Variants in EIF2B3 observed in about 807,000 individuals in gnomAD.
EIF2B3 encodes eukaryotic translation initiation factor 2B subunit gamma.
EIF2B3 carries 20 observed loss-of-function variants against 54.1 expected under a neutral mutation model. That is an observed-to-expected ratio of 0.37 (90% confidence interval 0.26 to 0.54). EIF2B3 has a LOEUF of 0.54. EIF2B3 is among the 20% of genes least tolerant of loss of function. The probability of loss-of-function intolerance (pLI) is 0.86; values close to 1 mark genes in which losing one functional copy is unlikely to be tolerated. For missense variants in EIF2B3, 448 were observed against 547.8 expected (o/e 0.82, Z 1.82); for synonymous variants, 153 against 188.1 (o/e 0.81, Z 1.52).
chr1:44,886,522 G>A (rs1655590434), intron 6 of EIF2B3, among the ~76,000 whole-genome samples: 1 of 152,188 alleles, frequency 6.6e-6, no homozygotes, highest in East Asian at 1.9e-4. Context: ...ACTAAATATG[G>A]CCTGAGAAGG....
chr1:44,862,984 C>CA (rs1228831896), intron 10 of EIF2B3: 4 of 152,218 alleles, frequency 2.6e-5, no homozygotes, highest in African/African-American at 9.6e-5. Context: ...TTGAGACTCA[C>CA]AGATGTTAGG....
At chr1:44,891,602 G>T (rs1170617059) in intron 6 of EIF2B3, among the ~76,000 whole-genome samples, 1 of 152,214 alleles carries the variant, frequency 6.6e-6, no homozygotes, top group African/African-American at 2.4e-5. Context: ...GGGATAGAAT[G>T]AGGGGAGTTT....
chr1:44,982,826 G>A (rs901147627), intron 1 of EIF2B3, among the ~76,000 whole-genome samples: 5 of 150,318 alleles, frequency 3.3e-5, no homozygotes, highest in South Asian at 4.2e-4. Context: ...GCAGTGGCAC[G>A]ATCTCAGCTC....
intron 3 of EIF2B3, among the ~76,000 whole-genome samples, chr1:44,946,948 A>G (rs1158505525): frequency 2.0e-5 from 3 of 152,248 alleles, no homozygotes; most frequent in Non-Finnish European, 4.4e-5. Flanking sequence ...ATGAATAAAC[A>G]TGGACTGTTT....
Position 44,966,938 on chromosome 1 carries a change from C to T in EIF2B3, c.294+11377G>A, listed in dbSNP as rs190392065. ...CCAGGTTCAGGCAATTCTCCTGCCT[C>T]CCGAGTAGCTGGGACTACGAGCACA... On this transcript the variant is annotated intron_variant, in intron 3 of 11. Transcript: ENST00000360403. Among the ~76,000 whole-genome samples the T allele has an allele frequency of 9.9e-5, 15 of 152,066 alleles. No individual in the cohort carries two copies. The East Asian group carries it at 2.7e-3, about 28-fold the overall frequency.
intron 8 of EIF2B3, among the ~76,000 whole-genome samples, chr1:44,877,192 TAAAA>T (rs768263508): frequency 9.6e-5 from 5 of 52,082 alleles, no homozygotes; most frequent in South Asian, 8.2e-4. Context: ...GAATGATCAA[TAAAA>T]AAAAAAAAAA....
chr1:44,916,000 A>T (rs1268549023), intron 5 of EIF2B3, among the ~76,000 whole-genome samples: 1 of 152,230 alleles, frequency 6.6e-6, no homozygotes, highest in Middle Eastern at 3.4e-3. Context: ...ATGAAAGATG[A>T]TGTTATTAAT....
intron 8 of EIF2B3, among the ~76,000 whole-genome samples, chr1:44,878,246 C>T (rs1483131521): frequency 6.6e-6 from 1 of 152,128 alleles, no homozygotes; most frequent in African/African-American, 2.4e-5. Context: ...AGGTTTTCTT[C>T]AGGAGTCAAT....
intron 10 of EIF2B3, among the ~76,000 whole-genome samples, chr1:44,873,811 T>C (rs1031168319): frequency 6.6e-6 from 1 of 151,162 alleles, no homozygotes; most frequent in Non-Finnish European, 1.5e-5. Flanking sequence ...TGGCTAATTT[T>C]TTTTTTTTTT....
intron 8 of EIF2B3, among the ~76,000 whole-genome samples, chr1:44,877,458 T>C (rs1007651371): frequency 1.3e-5 from 2 of 152,114 alleles, no homozygotes; most frequent in African/African-American, 2.4e-5. Flanking sequence ...GATACCCACA[T>C]ACCACCTCTT....
intron 5 of EIF2B3, among the ~76,000 whole-genome samples, chr1:44,922,836 ATTTTTTTTTT>A (rs386366852): frequency 7.8e-4 from 44 of 56,658 alleles, no homozygotes; most frequent in African/African-American, 1.9e-3. Flanking sequence ...TCTTTTTCAG[ATTTTTTTTTT>A]TTTTTTTTTT....
intron 3 of EIF2B3, among the ~76,000 whole-genome samples, chr1:44,957,514 A>G (rs1644240314): frequency 6.6e-6 from 1 of 152,222 alleles, no homozygotes; most frequent in African/African-American, 2.4e-5. Context: ...TGATCCCAGT[A>G]CTTTAGGAGG....
intron 3 of EIF2B3, among the ~76,000 whole-genome samples, chr1:44,977,971 G>A (rs1471512886): frequency 6.6e-6 from 1 of 152,042 alleles, no homozygotes; most frequent in Non-Finnish European, 1.5e-5. Flanking sequence ...CAGGCGTGAT[G>A]GCTCACGCCT....
chr1:44,938,478 T>TTCTC (rs141848663), intron 4 of EIF2B3, among the ~76,000 whole-genome samples: 46 of 144,772 alleles, frequency 3.2e-4, no homozygotes, highest in South Asian at 2.2e-3. Flanking sequence ...GAGACCTAAT[T>TTCTC]TCTCTCTCTC....
At chr1:44,937,644 G>A (rs1246954218) in intron 4 of EIF2B3, among the ~76,000 whole-genome samples, 1 of 152,054 alleles carries the variant, frequency 6.6e-6, no homozygotes, top group Non-Finnish European at 1.5e-5. Flanking sequence ...AGCACTTTGG[G>A]AGGCCGAGGC....
chr1:44,907,667 G>A (rs552738722), intron 5 of EIF2B3, among the ~76,000 whole-genome samples: 6 of 152,190 alleles, frequency 3.9e-5, no homozygotes, highest in Non-Finnish European at 7.4e-5. Context: ...TTGGGAGGCT[G>A]AGGTGGGGGG....
At chr1:44,958,655 T>C in intron 3 of EIF2B3, 1 of 1,591,136 alleles carries the variant, frequency 6.3e-7, no homozygotes, top group Non-Finnish European at 8.6e-7. Context: ...ACATATTCTG[T>C]GATCAGCATG....
chr1:44,901,379 G>C (rs1643294789), intron 5 of EIF2B3, among the ~76,000 whole-genome samples: 1 of 151,880 alleles, frequency 6.6e-6, no homozygotes, highest in African/African-American at 2.4e-5. Context: ...GCCTCCCAAA[G>C]TGTTGGGATT....
intron 6 of EIF2B3, among the ~76,000 whole-genome samples, chr1:44,887,027 A>G (rs1655611186): frequency 6.6e-6 from 1 of 152,230 alleles, no homozygotes; most frequent in African/African-American, 2.4e-5. Flanking sequence ...ACTTATGTCC[A>G]TTGATCTCTC....
Sources: gnomAD v4.1 joint callset for allele counts (sites outside exome capture counted in the v4.1 genomes callset) on GRCh38, gnomAD v4.1.1 for gene constraint, MANE v1.5 for transcripts, NCBI Gene and HGNC (gene_info 2026-07-23, HGNC 2026-07-21) for gene names.